The following TP63 variants were observed in gnomAD, a reference collection of about 807,000 sequenced individuals.
TP63 encodes tumor protein 63.
TP63 carries 17 observed loss-of-function variants against 82.8 expected under a neutral mutation model. The observed-to-expected ratio is 0.21, with a 90% CI of 0.14 to 0.31. TP63 has a LOEUF of 0.31. TP63 is among the 10% of genes least tolerant of loss of function. The pLI, the probability that TP63 is intolerant of heterozygous loss-of-function variation, is 1.00. For missense variants in TP63, 648 were observed against 895.3 expected (o/e 0.72, Z 3.52); for synonymous variants, 330 against 321.7 (o/e 1.03, Z -0.28).
chr3:189,749,251 C>T (rs1354519092), intron 3 of TP63, among the ~76,000 whole-genome samples: 4 of 152,000 alleles, frequency 2.6e-5, no homozygotes. Context: ...AACAAAGAAA[C>T]ACCTGTTGAA....
intron 1 of TP63, among the ~76,000 whole-genome samples, chr3:189,671,024 A>T (rs1714843437): frequency 6.6e-6 from 1 of 152,136 alleles, no homozygotes. Flanking sequence ...AAACAAAAAG[A>T]CAAATGAGAA....
At chr3:189,826,601 T>G (rs1279438279) in intron 4 of TP63, among the ~76,000 whole-genome samples, 1 of 152,180 alleles carries the variant, frequency 6.6e-6, no homozygotes, top group African/African-American at 2.4e-5. Flanking sequence ...GCAGGATATG[T>G]GTAGAGCTCC....
intron 10 of TP63, among the ~76,000 whole-genome samples, chr3:189,885,069 G>GA (rs1422356006): frequency 6.6e-6 from 1 of 152,152 alleles, no homozygotes; most frequent in Non-Finnish European, 1.5e-5. Flanking sequence ...AAAACTCAAA[G>GA]AAAAAATTTG....
At chr3:189,847,663 A>G (rs16864837) in intron 4 of TP63, among the ~76,000 whole-genome samples, 11,876 of 152,196 alleles carry the variant, frequency 0.078, 1,121 homozygotes, top group African/African-American at 0.22. Context: ...TAAATAGGCA[A>G]CGAGGTTAGT....
chr3:189,715,044 G>A (rs566693291), intron 1 of TP63, among the ~76,000 whole-genome samples: 1 of 152,274 alleles, frequency 6.6e-6, no homozygotes, highest in East Asian at 1.9e-4. Flanking sequence ...AATACAGGCA[G>A]GGTGCTTCAT....
intron 3 of TP63, among the ~76,000 whole-genome samples, chr3:189,751,953 T>C (rs569970965): frequency 2.0e-5 from 3 of 152,276 alleles, no homozygotes; most frequent in East Asian, 1.9e-4. Flanking sequence ...ATATATCTTA[T>C]TGTATATTTG....
chr3:189,637,031 A>C (rs1402814022), intron 1 of TP63, among the ~76,000 whole-genome samples: 1 of 152,108 alleles, frequency 6.6e-6, no homozygotes, highest in Non-Finnish European at 1.5e-5. Context: ...AGCCTATCTC[A>C]GCAGCTCAGG....
chr3:189,841,821 G>A (rs1029143070), intron 4 of TP63, among the ~76,000 whole-genome samples: 8 of 152,156 alleles, frequency 5.3e-5, no homozygotes, highest in African/African-American at 7.2e-5. Context: ...CACCTCTAGC[G>A]TCCAGGTGTT....
intron 1 of TP63, among the ~76,000 whole-genome samples, chr3:189,657,124 G>A (rs768898546): frequency 3.3e-5 from 5 of 151,930 alleles, no homozygotes; most frequent in Non-Finnish European, 7.4e-5. Flanking sequence ...GTGACATGCT[G>A]TAAAAGGTAA....
chr3:189,628,050 G>A (rs1270766413), upstream of TP63, among the ~76,000 whole-genome samples: 1 of 152,112 alleles, frequency 6.6e-6, no homozygotes, highest in East Asian at 1.9e-4. Flanking sequence ...AATTAGAATA[G>A]CAAGCCTGCC....
the TP63 span, among the ~76,000 whole-genome samples, chr3:189,614,295 G>A: frequency 1.3e-5 from 2 of 152,284 alleles, no homozygotes; most frequent in South Asian, 4.1e-4. Context: ...TTTGTCAAGG[G>A]TTTTTGCTTT....
intron 7 of TP63, 45 bp from the exon 8 acceptor site, chr3:189,868,535 A>G: frequency 6.2e-7 from 1 of 1,611,146 alleles, no homozygotes. Flanking sequence ...GACTTTCAAA[A>G]TGCTTTGAAT....
chr3:189,626,076 G>A, the TP63 span, among the ~76,000 whole-genome samples: 2 of 152,256 alleles, frequency 1.3e-5, no homozygotes, highest in Admixed American at 1.3e-4. Context: ...ACATGGCTAA[G>A]GTTGCAATGC....
At chr3:189,629,359 G>T (rs773404353), upstream of TP63, among the ~76,000 whole-genome samples, 2 of 151,988 alleles carry the variant, frequency 1.3e-5, no homozygotes, top group Non-Finnish European at 2.9e-5. Context: ...ACTCAGTCTG[G>T]GTGACAGTGC....
At chr3:189,620,368 C>T in the TP63 span, among the ~76,000 whole-genome samples, 1 of 151,896 alleles carries the variant, frequency 6.6e-6, no homozygotes, top group Non-Finnish European at 1.5e-5. Context: ...ACTAAAAATA[C>T]AAAATTTAGC....
rs1477894812 is a variant in TP63 at position 189,636,473 on chromosome 3, G to A, written c.62+4896G>A. ...TCTGAAATACACCCCTTTAGTGTAC[G>A]GTAAGTTCTCACTTAACATTACTGA... On this transcript the variant is annotated intron_variant, in intron 1 of 13. Coordinates refer to ENST00000264731, the MANE Select transcript of TP63 (RefSeq NM_003722.5). Among the ~76,000 whole-genome samples the A allele has an allele frequency of 3.3e-5, 5 of 152,066 alleles. No individual in the cohort carries two copies. In the East Asian group the frequency reaches 7.7e-4, roughly 23 times the overall value.
intron 9 of TP63, among the ~76,000 whole-genome samples, chr3:189,872,487 G>C (rs1718551446): frequency 6.6e-6 from 1 of 151,756 alleles, no homozygotes; most frequent in Non-Finnish European, 1.5e-5. Context: ...ACACTAGATA[G>C]CACTTCCGCA....
chr3:189,684,010 G>C (rs1716197775), intron 1 of TP63, among the ~76,000 whole-genome samples: 1 of 152,298 alleles, frequency 6.6e-6, no homozygotes, highest in African/African-American at 2.4e-5. Flanking sequence ...TTCAGCAACT[G>C]CAGGAAAGCA....
chr3:189,736,187 A>T (rs1399164330), intron 1 of TP63, among the ~76,000 whole-genome samples: 1 of 149,814 alleles, frequency 6.7e-6, no homozygotes, highest in Non-Finnish European at 1.5e-5. Flanking sequence ...ATTTTGATAT[A>T]TGTAAATATA....
Sources: gnomAD v4.1 joint callset for allele counts (sites outside exome capture counted in the v4.1 genomes callset) on GRCh38, gnomAD v4.1.1 for gene constraint, MANE v1.5 for transcripts, NCBI Gene and HGNC (gene_info 2026-07-23, HGNC 2026-07-21) for gene names.